Variants in ROBO1 observed in about 807,000 individuals in gnomAD.
The protein encoded by ROBO1 is roundabout guidance receptor 1.
A neutral mutation model predicts 195.9 loss-of-function variants in ROBO1; 149 were observed. That is an observed-to-expected ratio of 0.76 (90% CI 0.67 to 0.87). The LOEUF (loss-of-function observed/expected upper bound fraction) is 0.87. Among genes scored for constraint, ROBO1 ranks in the 40% least tolerant of loss-of-function variants. ROBO1 has a pLI of 0.00. For missense variants in ROBO1, 1,933 were observed against 2,068.3 expected (o/e 0.93, Z 1.27); for synonymous variants, 816 against 733.2 (o/e 1.11, Z -1.82).
At chr3:79,450,874 T>C (rs2039421257) in intron 2 of ROBO1, among the ~76,000 whole-genome samples, 2 of 151,886 alleles carry the variant, frequency 1.3e-5, no homozygotes, top group African/African-American at 2.4e-5. Context: ...GAAATGAAAA[T>C]AGTAATTATT....
intron 2 of ROBO1, among the ~76,000 whole-genome samples, chr3:79,393,297 T>G (rs954272019): frequency 6.6e-6 from 1 of 152,232 alleles, no homozygotes; most frequent in Non-Finnish European, 1.5e-5. Flanking sequence ...AATCTCCTAC[T>G]GAAGAGGATA....
intron 4 of ROBO1, among the ~76,000 whole-genome samples, chr3:78,804,706 C>T (rs1030165700): frequency 1.8e-4 from 23 of 125,942 alleles, no homozygotes; most frequent in Admixed American, 4.9e-4. Flanking sequence ...GTTTCTGTTC[C>T]TTGAGTCAAC....
chr3:79,567,109 G>A (rs1274549191), intron 2 of ROBO1, among the ~76,000 whole-genome samples: 2 of 152,142 alleles, frequency 1.3e-5, no homozygotes, highest in East Asian at 3.9e-4. Context: ...GCAGGGGCAG[G>A]GGTGGATCTG....
intron 2 of ROBO1, among the ~76,000 whole-genome samples, chr3:79,532,556 C>G (rs1941701746): frequency 6.6e-6 from 1 of 152,082 alleles, no homozygotes; most frequent in Non-Finnish European, 1.5e-5. Context: ...CAGAATTTCT[C>G]AAACTATAGA....
chr3:79,613,376 C>T (rs1204113963), intron 1 of ROBO1, among the ~76,000 whole-genome samples: 2 of 151,588 alleles, frequency 1.3e-5, no homozygotes, highest in Non-Finnish European at 2.9e-5. Flanking sequence ...AATTCTTGAG[C>T]AACAGCTGAG....
intron 3 of ROBO1, among the ~76,000 whole-genome samples, chr3:78,941,526 T>A (rs1438853814): frequency 6.6e-6 from 1 of 152,162 alleles, no homozygotes; most frequent in African/African-American, 2.4e-5. Flanking sequence ...AATCTGAAAG[T>A]CCATTTCAGC....
chr3:79,359,414 G>T (rs1559843774), intron 2 of ROBO1, among the ~76,000 whole-genome samples: 1 of 151,988 alleles, frequency 6.6e-6, no homozygotes, highest in African/African-American at 2.4e-5. Flanking sequence ...ATCTCAAAAG[G>T]CTGCTTAATT....
chr3:79,305,555 T>A (rs2033182305), intron 2 of ROBO1, among the ~76,000 whole-genome samples: 1 of 151,784 alleles, frequency 6.6e-6, no homozygotes. Context: ...TCAATACATT[T>A]TAGAAAATAT....
At chr3:79,125,434 A>G (rs1309500222) in intron 3 of ROBO1, 22 bp downstream of exon 3, 1 of 1,601,954 alleles carries the variant, frequency 6.2e-7, no homozygotes, top group East Asian at 2.2e-5. Context: ...GGAAGTTAGT[A>G]TTTGGGAAAG....
Position 79,110,491 on chromosome 3 carries a change from A to C in ROBO1, c.172+14965T>G, listed in dbSNP as rs141473065. Among the ~76,000 whole-genome samples the C allele has an allele frequency of 8.9e-4, 135 of 151,812 alleles. 1 individual carries two copies. The highest frequency in any genetic ancestry group is 1.8e-3 in the Non-Finnish European group (122 of 67,988). On this transcript the variant is annotated intron_variant, in intron 3 of 30. Transcript: ENST00000464233. ...CAATTGACCGAGTAAATCTTCTTAA[A>C]ATACCTCCTGTCATTTCTGGAGGCC...
intron 5 of ROBO1, among the ~76,000 whole-genome samples, chr3:78,727,160 A>G (rs2108156616): frequency 6.6e-6 from 1 of 152,272 alleles, no homozygotes; most frequent in Non-Finnish European, 1.5e-5. Context: ...TGACAGACAA[A>G]GAATTGGATA....
At position 78,597,792 on chromosome 3, in the gene ROBO1, T is replaced by G. The variant is rs7626143; in HGVS notation, c.*1121A>C. On this transcript the variant is annotated 3_prime_UTR_variant, in exon 31 of 31. Transcript: ENST00000464233. ...GCCCACAATAAAGTATGCATGTTAC[T>G]TCACCATCTGTCATTATTCAAATAT... The G allele has an allele frequency of 0.17, 26,010 of 152,470 alleles. 2,834 individuals are homozygous for G. Among genetic ancestry groups the G allele is most frequent in the East Asian group, 0.44 (2,288 of 5,158 alleles). 9.4% of individuals were successfully genotyped at this position (152,470 alleles called of 1,614,324 possible).
chr3:79,190,572 T>C (rs534953453), intron 2 of ROBO1, among the ~76,000 whole-genome samples: 27 of 151,684 alleles, frequency 1.8e-4, no homozygotes, highest in Non-Finnish European at 3.3e-4. Context: ...ACAAACTCAC[T>C]GTCTACAAAT....
At chr3:79,267,999 T>G (rs1208788715) in intron 2 of ROBO1, among the ~76,000 whole-genome samples, 1 of 151,594 alleles carries the variant, frequency 6.6e-6, no homozygotes. Flanking sequence ...CAGGCTAAAT[T>G]AGGAGAATGA....
At chr3:79,683,078 A>G (rs1003321694) in intron 1 of ROBO1, among the ~76,000 whole-genome samples, 1 of 152,006 alleles carries the variant, frequency 6.6e-6, no homozygotes, top group Non-Finnish European at 1.5e-5. Context: ...ATTTTTGTCT[A>G]CTGATTTAAC....
chr3:79,722,302 T>C (rs1053707058), intron 1 of ROBO1, among the ~76,000 whole-genome samples: 3 of 152,198 alleles, frequency 2.0e-5, no homozygotes, highest in African/African-American at 7.2e-5. Context: ...AATCTAAGCT[T>C]GCAATTAAGT....
At chr3:78,928,988 A>AGGT (rs1186785834) in intron 4 of ROBO1, among the ~76,000 whole-genome samples, 1 of 152,086 alleles carries the variant, frequency 6.6e-6, no homozygotes, top group Non-Finnish European at 1.5e-5. Context: ...ACTTTCGTGG[A>AGGT]GGTGGTGTCT....
At chr3:79,641,615 G>A (rs1479542533) in intron 1 of ROBO1, among the ~76,000 whole-genome samples, 1 of 152,122 alleles carries the variant, frequency 6.6e-6, no homozygotes, top group Non-Finnish European at 1.5e-5. Flanking sequence ...GTGAGTCTGT[G>A]AAATGTGAGC....
intron 2 of ROBO1, among the ~76,000 whole-genome samples, chr3:79,180,489 C>T (rs561016787): frequency 6.6e-6 from 1 of 152,302 alleles, no homozygotes; most frequent in Middle Eastern, 3.4e-3. Flanking sequence ...TTTCCACTTT[C>T]CAACTGCCAA....
Sources: allele counts gnomAD v4.1 joint callset (sites outside exome capture counted in the v4.1 genomes callset), GRCh38; gene constraint gnomAD v4.1.1; transcripts MANE v1.5; gene names NCBI Gene and HGNC (gene_info 2026-07-23, HGNC 2026-07-21).